SNU13: variants seen among roughly 807,000 people sequenced by gnomAD.
SNU13 encodes small nuclear ribonucleoprotein 13.
Under a neutral mutation model 12.4 loss-of-function variants are expected in SNU13, and 2 were observed. The observed-to-expected ratio is 0.16, with a 90% CI of 0.07 to 0.51. SNU13 has a LOEUF of 0.51. Among genes scored for constraint, SNU13 ranks in the 20% least tolerant of loss-of-function variants. SNU13 has a pLI of 0.96. For missense variants in SNU13, 66 were observed against 157.8 expected (o/e 0.42, Z 3.12); for synonymous variants, 68 against 66.5 (o/e 1.02, Z -0.11).
intron 2 of SNU13, among the ~76,000 whole-genome samples, chr22:41,676,999 C>T (rs1338468725): frequency 1.3e-5 from 2 of 152,180 alleles, no homozygotes; most frequent in Admixed American, 1.3e-4. Context: ...TCTTGAACAT[C>T]TTTCATTAAA....
At chr22:41,675,240 G>A (rs777885146) in intron 2 of SNU13, 45 bp from the exon 3 acceptor site, 2 of 1,595,428 alleles carry the variant, frequency 1.3e-6, no homozygotes, top group South Asian at 1.1e-5. Context: ...GTGGGCTTGG[G>A]CAGGGCAGCC....
chr22:41,681,980 TA>T (rs2147137728), intron 1 of SNU13, among the ~76,000 whole-genome samples: 1 of 104,062 alleles, frequency 9.6e-6, no homozygotes, highest in African/African-American at 4.5e-5. Flanking sequence ...TCATTTTCAT[TA>T]ATTTTTCTCT....
chr22:41,688,985 T>C (rs1000174801), upstream of SNU13: 79 of 1,329,764 alleles, frequency 5.9e-5, no homozygotes, highest in Middle Eastern at 2.8e-4. Flanking sequence ...ACTGGCCCTG[T>C]GTCGAAGAAG....
chr22:41,682,483 A>G (rs2068273390), intron 1 of SNU13: 1 of 1,581,932 alleles, frequency 6.3e-7, no homozygotes, highest in Non-Finnish European at 8.6e-7. Context: ...AAGTGACGCC[A>G]CTGCCGCCAG....
chr22:41,676,691 C>G (rs928083478), intron 2 of SNU13, among the ~76,000 whole-genome samples: 1 of 152,132 alleles, frequency 6.6e-6, no homozygotes, highest in Non-Finnish European at 1.5e-5. Context: ...CATGTATATA[C>G]ATTCTAATCC....
intron 1 of SNU13, among the ~76,000 whole-genome samples, chr22:41,686,642 T>TC (rs1010086747): frequency 4.0e-5 from 6 of 151,314 alleles, no homozygotes; most frequent in African/African-American, 1.5e-4. Flanking sequence ...ATTTTTTTTT[T>TC]CTTTGACACA....
At chr22:41,682,581 A>G (rs2068274551) in intron 1 of SNU13, 2 of 1,440,914 alleles carry the variant, frequency 1.4e-6, no homozygotes, top group African/African-American at 2.8e-5. Flanking sequence ...TCTTGGTCCC[A>G]GGACAACTAG....
chr22:41,675,238 G>C (rs780367409), intron 2 of SNU13, 43 bp from the exon 3 acceptor site: 2 of 1,595,860 alleles, frequency 1.3e-6, no homozygotes, highest in African/African-American at 1.3e-5. Context: ...ATGTGGGCTT[G>C]GGCAGGGCAG....
intron 1 of SNU13, 132 bp downstream of exon 1, chr22:41,688,662 G>A: frequency 7.7e-6 from 10 of 1,294,810 alleles, no homozygotes; most frequent in Non-Finnish European, 9.4e-6. Context: ...TTCTAACTAA[G>A]GGCCCGGCGG....
chr22:41,681,705 ATC>A (rs2068264774), intron 1 of SNU13: 1 of 153,608 alleles, frequency 6.5e-6, no homozygotes, highest in African/African-American at 2.4e-5. Context: ...TGTCATTCAG[ATC>A]TGTGTCAAAA....
At chr22:41,682,346 G>C in intron 1 of SNU13, 1 of 1,612,964 alleles carries the variant, frequency 6.2e-7, no homozygotes, top group South Asian at 1.1e-5. Flanking sequence ...GGCCCAGTAG[G>C]AACACTCACC....
upstream of SNU13, chr22:41,690,439 A>G: frequency 1.4e-6 from 1 of 720,862 alleles, no homozygotes; most frequent in Non-Finnish European, 2.6e-6. Context: ...CCTTACCTGC[A>G]CCAAGAGCAT....
At chr22:41,679,655 A>G (rs1601571292) in intron 2 of SNU13, 1 of 147,154 alleles carries the variant, frequency 6.8e-6, no homozygotes, top group East Asian at 2.0e-4. Context: ...TCATGCATAC[A>G]TAATTATTCT....
Position 41,688,830 on chromosome 22 carries a change from G to T in SNU13, c.-34C>A. 6.3e-7 allele frequency: 1 copy of T among 1,576,520 alleles called. No individual in the cohort carries two copies. The highest frequency in any genetic ancestry group is 8.7e-7 in the Non-Finnish European group (1 of 1,153,954). The stretch of plus-strand genomic sequence containing the variant: ...TTCCGCGGGCTCAGCACTCCTAGGG[G>T]AGCGCAGCTGACGTTTCAGAAGCAC... On this transcript the variant is annotated 5_prime_UTR_variant, in exon 1 of 3. Coordinates refer to ENST00000401959, the MANE Select transcript of SNU13 (RefSeq NM_001003796.2).
At chr22:41,683,619 G>A (rs372384064) in intron 1 of SNU13, among the ~76,000 whole-genome samples, 2 of 152,084 alleles carry the variant, frequency 1.3e-5, no homozygotes, top group African/African-American at 4.8e-5. Flanking sequence ...TCTATATTAT[G>A]TTTCATTCAG....
chr22:41,687,216 CA>C (rs1377845460), intron 1 of SNU13, among the ~76,000 whole-genome samples: 1 of 152,154 alleles, frequency 6.6e-6, no homozygotes, highest in East Asian at 1.9e-4. Context: ...CTCAGCCTCC[CA>C]AAGTGCTGGG....
At chr22:41,685,663 A>C (rs1312237399) in intron 1 of SNU13, among the ~76,000 whole-genome samples, 4 of 151,302 alleles carry the variant, frequency 2.6e-5, no homozygotes, top group Admixed American at 6.6e-5. Context: ...ACTCCTGGCT[A>C]ATTAAAAAAA....
Position 41,688,857 on chromosome 22 carries a change from C to G in SNU13, c.-61G>C. The G allele has an allele frequency of 6.5e-7, 1 of 1,534,702 alleles. No homozygotes were observed. The highest frequency in any genetic ancestry group is 8.8e-7 in the Non-Finnish European group (1 of 1,132,260). The stretch of plus-strand genomic sequence containing the variant: ...GCGCAGCTGACGTTTCAGAAGCACT[C>G]GCGTGCACCGGAAAAACTCACAGAA... On this transcript the variant is annotated 5_prime_UTR_variant, in exon 1 of 3. Transcript: ENST00000401959.
chr22:41,675,622 A>G (rs1319699782), intron 2 of SNU13, among the ~76,000 whole-genome samples: 2 of 151,090 alleles, frequency 1.3e-5, no homozygotes, highest in Non-Finnish European at 2.9e-5. Context: ...GGGCTTCACC[A>G]TGTTGTCCAG....
Sources: allele counts gnomAD v4.1 joint callset (sites outside exome capture counted in the v4.1 genomes callset), GRCh38; gene constraint gnomAD v4.1.1; transcripts MANE v1.5; gene names NCBI Gene and HGNC (gene_info 2026-07-23, HGNC 2026-07-21).